NAALADL2: variants seen among roughly 807,000 people sequenced by gnomAD.
NAALADL2 encodes N-acetylated alpha-linked acidic dipeptidase like 2.
A neutral mutation model predicts 87.2 loss-of-function variants in NAALADL2; 76 were observed. That is an observed-to-expected ratio of 0.87 (90% confidence interval 0.72 to 1.05). The LOEUF (loss-of-function observed/expected upper bound fraction) is 1.05. Among genes scored for constraint, NAALADL2 ranks in the 50% least tolerant of loss-of-function variants. NAALADL2 has a pLI of 0.00. For synonymous variants in NAALADL2, 354 were observed against 331.0 expected (o/e 1.07, Z -0.75); for missense variants, 1,089 against 945.8 (o/e 1.15, Z -1.99).
intron 1 of NAALADL2, among the ~76,000 whole-genome samples, chr3:174,990,633 C>G (rs573099681): frequency 6.6e-6 from 1 of 151,898 alleles, no homozygotes; most frequent in Admixed American, 6.6e-5. Context: ...AAAGCTGGGT[C>G]GTACATAGGA....
Position 175,031,775 on chromosome 3 carries a change from C to T in NAALADL2, c.44-65015C>T, listed in dbSNP as rs576363986. ...TCCTTTTTCTCTCCAGCCTCACTGA[C>T]ATCTGTTATTTTTTACTTTTTAATA... On this transcript the variant is annotated intron_variant, in intron 1 of 13. Transcript: ENST00000454872. Among the ~76,000 whole-genome samples, 457 of 152,070 alleles carry T rather than the reference C, an allele frequency of 3.0e-3. 2 individuals are homozygous for T. Among genetic ancestry groups the T allele is most frequent in the African/African-American group, 0.01 (429 of 41,518 alleles).
intron 10 of NAALADL2, among the ~76,000 whole-genome samples, chr3:175,610,088 G>C (rs972913025): frequency 6.6e-6 from 1 of 152,106 alleles, no homozygotes; most frequent in Admixed American, 6.6e-5. Context: ...TCTAAAAATT[G>C]TTAATAAACT....
At chr3:174,631,389 C>G (rs1331624203) in intron 2 of NAALADL2, among the ~76,000 whole-genome samples, 1 of 152,156 alleles carries the variant, frequency 6.6e-6, no homozygotes, top group Non-Finnish European at 1.5e-5. Flanking sequence ...TCACTATTCC[C>G]TGTAGCTAAG....
intron 1 of NAALADL2, among the ~76,000 whole-genome samples, chr3:174,508,634 A>G (rs941890208): frequency 1.1e-4 from 16 of 152,180 alleles, no homozygotes; most frequent in African/African-American, 3.9e-4. Flanking sequence ...TCACTTATTG[A>G]TGTCATTTTT....
intron 5 of NAALADL2, among the ~76,000 whole-genome samples, chr3:175,348,146 G>A (rs981874439): frequency 6.6e-6 from 1 of 152,112 alleles, no homozygotes; most frequent in African/African-American, 2.4e-5. Flanking sequence ...CCACCTCCCA[G>A]GTTCAAGCGA....
At chr3:174,841,145 A>G (rs562858407) in intron 3 of NAALADL2, among the ~76,000 whole-genome samples, 1 of 152,242 alleles carries the variant, frequency 6.6e-6, no homozygotes, top group African/African-American at 2.4e-5. Flanking sequence ...AAAATGATAA[A>G]CTATCCTTTT....
At chr3:175,411,118 C>T (rs574652994) in intron 5 of NAALADL2, among the ~76,000 whole-genome samples, 1 of 152,030 alleles carries the variant, frequency 6.6e-6, no homozygotes, top group Non-Finnish European at 1.5e-5. Context: ...AGAGAGGTAG[C>T]AGTAAAGATT....
chr3:175,313,896 C>T (rs1286866113), intron 4 of NAALADL2, among the ~76,000 whole-genome samples: 2 of 151,734 alleles, frequency 1.3e-5, no homozygotes, highest in Non-Finnish European at 2.9e-5. Flanking sequence ...AACCATGTCT[C>T]TACTAAAAAT....
intron 5 of NAALADL2, among the ~76,000 whole-genome samples, chr3:175,391,760 C>T (rs1417863347): frequency 6.6e-6 from 1 of 152,100 alleles, no homozygotes; most frequent in Non-Finnish European, 1.5e-5. Flanking sequence ...AACTAATGCA[C>T]ATACTAAGGC....
At chr3:174,925,630 G>C (rs1257071317) in intron 1 of NAALADL2, among the ~76,000 whole-genome samples, 1 of 152,110 alleles carries the variant, frequency 6.6e-6, no homozygotes, top group East Asian at 1.9e-4. Context: ...AGCTTGATGG[G>C]GATGGCAGCA....
At position 175,807,305 on chromosome 3, in the gene NAALADL2, A is replaced by G. The variant is rs375953183; in HGVS notation, c.*4102A>G. 1.3e-5 allele frequency: 2 copies of G among 151,992 alleles called. No individual in the cohort carries two copies. Among genetic ancestry groups the G allele is most frequent in the African/African-American group, 4.8e-5 (2 of 41,442 alleles). The allele number at this position is 151,992 out of a possible 1,614,324, so 9.4% of individuals were successfully genotyped here. A position where few individuals can be genotyped will look rare whatever the true frequency, so the allele number is the denominator to read the frequency against. ...TAGAGCATATAGTAAGTTTCCCCAC[A>G]GGAAAGACAGATGTTAACAAAAATA... On this transcript the variant is annotated 3_prime_UTR_variant, in exon 14 of 14. Coordinates refer to ENST00000454872, the MANE Select transcript of NAALADL2 (RefSeq NM_207015.3).
At chr3:175,210,351 A>G (rs888073098) in intron 2 of NAALADL2, among the ~76,000 whole-genome samples, 1 of 151,866 alleles carries the variant, frequency 6.6e-6, no homozygotes, top group African/African-American at 2.4e-5. Context: ...GTGGAGGGAT[A>G]TTCAAGAGAT....
chr3:174,542,097 A>C (rs1722294580), intron 1 of NAALADL2, among the ~76,000 whole-genome samples: 2 of 152,186 alleles, frequency 1.3e-5, no homozygotes, highest in Non-Finnish European at 2.9e-5. Flanking sequence ...AGCAACTTCC[A>C]GGTGTTGCCG....
chr3:174,999,035 C>A (rs77888635), intron 1 of NAALADL2, among the ~76,000 whole-genome samples: 12,868 of 151,964 alleles, frequency 0.085, 749 homozygotes, highest in Middle Eastern at 0.17. Context: ...CTAAAACATG[C>A]AATTAAAAAT....
intron 3 of NAALADL2, among the ~76,000 whole-genome samples, chr3:174,823,903 A>T (rs9850103): frequency 1.3e-5 from 2 of 151,926 alleles, no homozygotes; most frequent in African/African-American, 4.8e-5. Flanking sequence ...TAGATACGAG[A>T]TTTCACTATG....
intron 1 of NAALADL2, among the ~76,000 whole-genome samples, chr3:174,925,358 T>C (rs988558371): frequency 6.6e-6 from 1 of 152,262 alleles, no homozygotes; most frequent in Admixed American, 6.5e-5. Flanking sequence ...TTTTGTCAGG[T>C]TTTTCAAAGA....
At chr3:174,818,224 G>A (rs1209471126) in intron 3 of NAALADL2, among the ~76,000 whole-genome samples, 1 of 152,076 alleles carries the variant, frequency 6.6e-6, no homozygotes, top group African/African-American at 2.4e-5. Context: ...CAAATAGGGG[G>A]GACAGGTGCC....
intron 5 of NAALADL2, among the ~76,000 whole-genome samples, chr3:175,423,686 T>G (rs1716272381): frequency 6.6e-6 from 1 of 152,180 alleles, no homozygotes; most frequent in South Asian, 2.1e-4. Flanking sequence ...TTGGGTTGGT[T>G]CCAAGTCTTT....
rs114675020 is a variant in NAALADL2, at chr3:175,376,545, T to A, written c.1090+52220T>A. On this transcript the variant is annotated intron_variant, in intron 5 of 13. Coordinates refer to ENST00000454872, the MANE Select transcript of NAALADL2 (RefSeq NM_207015.3). ...GTTTTATTCAGGGAGCTTTTAAGAGTTTTTATTTATTATTGACCTTAAGCC... is the reference window on the plus strand; with the variant it reads ...GTTTTATTCAGGGAGCTTTTAAGAGATTTTATTTATTATTGACCTTAAGCC... Among the ~76,000 whole-genome samples the A allele has an allele frequency of 6.8e-3, 1,028 of 152,204 alleles. 18 individuals are homozygous for A. The highest frequency in any genetic ancestry group is 0.023 in the African/African-American group (961 of 41,530).
Sources: allele counts gnomAD v4.1 joint callset (sites outside exome capture counted in the v4.1 genomes callset), GRCh38; gene constraint gnomAD v4.1.1; transcripts MANE v1.5; gene names NCBI Gene and HGNC (gene_info 2026-07-23, HGNC 2026-07-21).